RAB3GAP1: variants seen among roughly 807,000 people sequenced by gnomAD.
RAB3GAP1 encodes RAB3 GTPase activating protein catalytic subunit 1.
In RAB3GAP1, 86 loss-of-function variants were observed where a neutral mutation model predicts 130.7. The observed-to-expected ratio is 0.66, with a 90% CI of 0.55 to 0.79. The LOEUF is 0.79. Ranked by LOEUF, RAB3GAP1 falls within the 30% of genes least tolerant of loss-of-function variation. RAB3GAP1 has a pLI of 0.00. For missense variants in RAB3GAP1, 1,029 were observed against 1,169.4 expected, an observed-to-expected ratio of 0.88 and a Z score of 1.75; for synonymous variants, 367 against 401.7, an observed-to-expected ratio of 0.91 and a Z score of 1.03.
At chr2:135,058,112 A>G in intron 3 of RAB3GAP1, 26 bp downstream of exon 3, 1 of 1,564,162 alleles carries the variant, frequency 6.4e-7, no homozygotes, top group Admixed American at 1.7e-5. Context: ...TGGTGTCTCT[A>G]AATGACTATT....
chr2:135,083,105 A>G (rs1689874299), intron 3 of RAB3GAP1, among the ~76,000 whole-genome samples: 1 of 151,934 alleles, frequency 6.6e-6, no homozygotes, highest in African/African-American at 2.4e-5. Flanking sequence ...AATATTTTCA[A>G]CCCACAGTTG....
chr2:135,138,997 T>G (rs1691762124), intron 17 of RAB3GAP1, among the ~76,000 whole-genome samples: 5 of 152,198 alleles, frequency 3.3e-5, no homozygotes, highest in Admixed American at 3.3e-4. Flanking sequence ...CTCAGTGTTT[T>G]AGATTGTATT....
chr2:135,157,932 T>C (rs1692360905), intron 19 of RAB3GAP1, among the ~76,000 whole-genome samples: 1 of 151,948 alleles, frequency 6.6e-6, no homozygotes, highest in South Asian at 2.1e-4. Context: ...CTCTTTTAGA[T>C]GTATTATTGG....
At chr2:135,091,265 A>T in intron 4 of RAB3GAP1, 135 bp downstream of exon 4, 1 of 751,158 alleles carries the variant, frequency 1.3e-6, no homozygotes, top group Admixed American at 2.7e-5. Context: ...GTTTCACCAC[A>T]TCTGAGGTAG....
intron 3 of RAB3GAP1, among the ~76,000 whole-genome samples, chr2:135,063,740 C>T (rs945014874): frequency 6.6e-6 from 1 of 152,132 alleles, no homozygotes; most frequent in South Asian, 2.1e-4. Flanking sequence ...ACACTTGGGT[C>T]GCTTCTACCT....
chr2:135,171,753 T>C (rs1398636369), downstream of RAB3GAP1, among the ~76,000 whole-genome samples: 1 of 152,092 alleles, frequency 6.6e-6, no homozygotes, highest in East Asian at 1.9e-4. Context: ...AAGCTCACAG[T>C]GTGGGACACC....
At chr2:135,061,256 A>G (rs1046318633) in intron 3 of RAB3GAP1, among the ~76,000 whole-genome samples, 2 of 152,182 alleles carry the variant, frequency 1.3e-5, no homozygotes, top group Non-Finnish European at 2.9e-5. Context: ...ACATTATTGT[A>G]TGAGGCCTTT....
chr2:135,075,914 T>C (rs962645357), intron 3 of RAB3GAP1, among the ~76,000 whole-genome samples: 9 of 149,458 alleles, frequency 6.0e-5, no homozygotes, highest in South Asian at 2.1e-4. Flanking sequence ...AGATTTCTTT[T>C]TTTTTTTTTT....
intron 17 of RAB3GAP1, among the ~76,000 whole-genome samples, chr2:135,139,547 TA>T (rs879738066): frequency 3.5e-3 from 491 of 140,048 alleles, no homozygotes; most frequent in Middle Eastern, 7.3e-3. Flanking sequence ...TCTCAAAAAT[TA>T]AAAAAAAAAA....
intron 9 of RAB3GAP1, among the ~76,000 whole-genome samples, chr2:135,125,924 C>T (rs1235451607): frequency 1.3e-5 from 2 of 152,080 alleles, no homozygotes; most frequent in Admixed American, 6.5e-5. Flanking sequence ...ATGGATATGC[C>T]ACATTTTGTT....
intron 11 of RAB3GAP1, 57 bp downstream of exon 11, chr2:135,126,713 C>T (rs1168731611): frequency 1.4e-5 from 19 of 1,377,804 alleles, no homozygotes; most frequent in Non-Finnish European, 1.7e-5. Flanking sequence ...ACTTCCAAAT[C>T]GGAGACACTG....
Position 135,164,539 on chromosome 2 carries a change from C to T in RAB3GAP1, c.2607-55C>T, listed in dbSNP as rs1312415021. ...AAACTCCTGTGGGAGGATGGACGCC[C>T]AGTGGCCTGGACAGCTCACTTTCCA... is the stretch of plus-strand genomic sequence containing the variant. On this transcript the variant is annotated intron_variant, in intron 22 of 23. Transcript: ENST00000264158. 9.5e-6 allele frequency: 13 copies of T among 1,363,912 alleles called. No homozygotes were observed. In the East Asian group the frequency reaches 2.8e-4, roughly 29 times the overall value. The allele number at this position is 1,363,912 out of a possible 1,614,324, so 84.5% of individuals were successfully genotyped here.
At chr2:135,172,165 C>T (rs1457809232), downstream of RAB3GAP1, among the ~76,000 whole-genome samples, 5 of 152,062 alleles carry the variant, frequency 3.3e-5, no homozygotes, top group South Asian at 2.1e-4. Context: ...CGCAGTGGCT[C>T]GTGCCTGTAA....
chr2:135,105,645 G>A (rs555024066), intron 5 of RAB3GAP1, among the ~76,000 whole-genome samples: 11 of 152,036 alleles, frequency 7.2e-5, no homozygotes, highest in East Asian at 1.9e-4. Context: ...GCCTCTGCCC[G>A]GCCGCCACCC....
intron 2 of RAB3GAP1, among the ~76,000 whole-genome samples, chr2:135,053,352 C>T (rs911881671): frequency 2.0e-5 from 3 of 152,252 alleles, no homozygotes; most frequent in Non-Finnish European, 2.9e-5. Flanking sequence ...GTACTGTGCC[C>T]AGGCTTCCTG....
chr2:135,134,075 T>C, intron 15 of RAB3GAP1, 42 bp downstream of exon 15: 2 of 1,608,762 alleles, frequency 1.2e-6, no homozygotes, highest in Middle Eastern at 1.7e-4. Flanking sequence ...CGATTTTGTT[T>C]GTTAGCAGAC....
intron 7 of RAB3GAP1, among the ~76,000 whole-genome samples, chr2:135,117,657 TCTTCTGCTTCTGCTTCTTCTG>T (rs1691050006): frequency 7.5e-6 from 1 of 133,740 alleles, no homozygotes; most frequent in African/African-American, 2.9e-5. Context: ...TGCTTCTGCT[TCTTCTGCTTCTGCTTCTTCTG>T]CTTCTGCTTC....
intron 10 of RAB3GAP1, 95 bp downstream of exon 10, chr2:135,126,344 T>C (rs1691347974): frequency 1.9e-6 from 2 of 1,079,444 alleles, no homozygotes; most frequent in African/African-American, 1.6e-5. Flanking sequence ...TTTTTTATTA[T>C]TTTGTTTTGA....
At chr2:135,083,708 T>C (rs1441024033) in intron 3 of RAB3GAP1, among the ~76,000 whole-genome samples, 1 of 147,712 alleles carries the variant, frequency 6.8e-6, no homozygotes, top group Non-Finnish European at 1.5e-5. Flanking sequence ...CAAGCAATCC[T>C]CCTGCCTAAG....
Sources: gnomAD v4.1 joint callset for allele counts (sites outside exome capture counted in the v4.1 genomes callset) on GRCh38, gnomAD v4.1.1 for gene constraint, MANE v1.5 for transcripts, NCBI Gene and HGNC (gene_info 2026-07-23, HGNC 2026-07-21) for gene names.